LIX1: variants seen among roughly 807,000 people sequenced by gnomAD.
LIX1 encodes the protein protein limb expression 1 homolog.
Under a neutral mutation model 33.4 loss-of-function variants are expected in LIX1, and 24 were observed. The ratio of observed to expected loss-of-function variants is 0.72; its 90% CI spans 0.52 to 1.01. LIX1 has a LOEUF of 1.01. Among genes scored for constraint, LIX1 ranks in the 50% least tolerant of loss-of-function variants. The pLI is 0.00. For missense variants in LIX1, 311 were observed against 339.2 expected (o/e 0.92, Z 0.65); for synonymous variants, 124 against 124.0 (o/e 1.00, Z 0.00).
chr5:97,096,932 G>T, intron 4 of LIX1, 45 bp from the exon 5 acceptor site: 1 of 1,401,012 alleles, frequency 7.1e-7, no homozygotes, highest in Non-Finnish European at 1.0e-6. Context: ...GCAGAAATGT[G>T]CATTGGTGAG....
rs142107983 is a variant in LIX1 at position 97,107,423 on chromosome 5, G to A, written c.324C>T (p.Pro108=). 20 of 1,612,958 alleles carry A rather than the reference G, an allele frequency of 1.2e-5. No homozygotes were observed. The highest frequency in any genetic ancestry group is 4.0e-5 in the African/African-American group (3 of 74,870). The part of the protein sequence containing the change: ...ALINSLFNEL[P]SRRITKEFIM... ...TGAATTCCTTGGTGATCCTGCGAGA[G>A]GGCAGCTCATTGAAGAGGGAGTTGA... Residue 108 remains proline, a synonymous_variant, in exon 3 of 6, where the codon CCC becomes CCT. Coordinates refer to ENST00000274382, the MANE Select transcript of LIX1 (RefSeq NM_153234.5).
At chr5:97,095,363 AC>A in intron 5 of LIX1, among the ~76,000 whole-genome samples, 1 of 152,320 alleles carries the variant, frequency 6.6e-6, no homozygotes, top group Non-Finnish European at 1.5e-5. Flanking sequence ...TGTGAATATG[AC>A]CTCATTTATT....
chr5:97,122,887 A>G (rs189780222), intron 2 of LIX1, among the ~76,000 whole-genome samples: 18 of 152,298 alleles, frequency 1.2e-4, no homozygotes, highest in African/African-American at 4.1e-4. Flanking sequence ...ATCTACTGTA[A>G]TCTAATTTGT....
intron 4 of LIX1, among the ~76,000 whole-genome samples, chr5:97,102,728 A>G (rs979647760): frequency 6.8e-6 from 1 of 147,734 alleles, no homozygotes. Flanking sequence ...GAATTTTAAG[A>G]CTTTTTTTTT....
intron 2 of LIX1, among the ~76,000 whole-genome samples, chr5:97,110,571 A>G (rs1319673506): frequency 1.3e-5 from 2 of 151,992 alleles, no homozygotes; most frequent in Non-Finnish European, 2.9e-5. Flanking sequence ...CAGCCTCCCG[A>G]GTAGCTGGGA....
intron 2 of LIX1, among the ~76,000 whole-genome samples, chr5:97,114,197 C>T (rs1429789084): frequency 6.6e-6 from 1 of 152,066 alleles, no homozygotes; most frequent in Non-Finnish European, 1.5e-5. Flanking sequence ...GAGCAAAAGT[C>T]ATTTAAATTA....
chr5:97,137,220 A>G (rs1184191931), intron 1 of LIX1: 3 of 402,338 alleles, frequency 7.5e-6, no homozygotes, highest in South Asian at 1.9e-5. Flanking sequence ...AACCACCACC[A>G]AAGACCTCTG....
chr5:97,116,561 C>T (rs1047688904), intron 2 of LIX1, among the ~76,000 whole-genome samples: 1 of 152,110 alleles, frequency 6.6e-6, no homozygotes, highest in Non-Finnish European at 1.5e-5. Flanking sequence ...AACCACCTGG[C>T]CTTCTCCTCG....
In LIX1 at chr5:97,092,523, G is replaced by A. The variant is rs1746128054; in HGVS notation, c.*2225C>T. 6.6e-6 allele frequency: 1 copy of A among 152,300 alleles called. No homozygotes were observed. Among genetic ancestry groups the A allele is most frequent in the Non-Finnish European group, 1.5e-5 (1 of 68,024 alleles). 9.4% of individuals were successfully genotyped at this position (152,300 alleles called of 1,614,324 possible). ...ATTTACTATCAAATCAGCATTAAAG[G>A]GACCAGCAAAGATTCTGACTTTTAT... On this transcript the variant is annotated 3_prime_UTR_variant, in exon 6 of 6. Transcript: ENST00000274382.
chr5:97,114,359 AAAAC>A (rs1747571922), intron 2 of LIX1, among the ~76,000 whole-genome samples: 1 of 152,146 alleles, frequency 6.6e-6, no homozygotes, highest in Admixed American at 6.5e-5. Flanking sequence ...CTAAATAAAT[AAAAC>A]AAAAAATAAA....
chr5:97,133,849 T>C (rs903925445), intron 1 of LIX1, among the ~76,000 whole-genome samples: 2 of 152,320 alleles, frequency 1.3e-5, no homozygotes, highest in Middle Eastern at 6.8e-3. Context: ...TTCATAACAG[T>C]GTATTCTTCA....
At chr5:97,137,818 A>G (rs1480285892) in intron 1 of LIX1, among the ~76,000 whole-genome samples, 2 of 152,216 alleles carry the variant, frequency 1.3e-5, no homozygotes, top group African/African-American at 4.8e-5. Flanking sequence ...CAGCCTTTAC[A>G]TCCTACTCCA....
chr5:97,132,342 G>A (rs564588937), intron 1 of LIX1, among the ~76,000 whole-genome samples: 1 of 152,306 alleles, frequency 6.6e-6, no homozygotes, highest in South Asian at 2.1e-4. Context: ...CATGTAAAAT[G>A]TAAAATTTAT....
Position 97,094,655 on chromosome 5 carries a change from A to C in LIX1, c.*93T>G. The C allele has an allele frequency of 2.2e-5, 26 of 1,188,656 alleles. No individual in the cohort carries two copies. Among genetic ancestry groups the C allele is most frequent in the South Asian group, 2.9e-5 (2 of 68,952 alleles). 73.6% of individuals were successfully genotyped at this position (1,188,656 alleles called of 1,614,324 possible). On this transcript the variant is annotated 3_prime_UTR_variant, in exon 6 of 6. Transcript: ENST00000274382. ...GTTAGGAGAGCCTTCAGGTAGTACT[A>C]GAGATGCTGGAGCCTCTGAGGACCT...
intron 3 of LIX1, 63 bp downstream of exon 3, chr5:97,107,296 CA>C (rs1299725188): frequency 1.3e-6 from 2 of 1,498,486 alleles, no homozygotes; most frequent in African/African-American, 2.8e-5. Context: ...TAACATCTCT[CA>C]AGATTCAAAT....
chr5:97,113,093 G>A (rs187299496), intron 2 of LIX1, among the ~76,000 whole-genome samples: 1 of 152,332 alleles, frequency 6.6e-6, no homozygotes, highest in Non-Finnish European at 1.5e-5. Flanking sequence ...AAAAGTCACT[G>A]CCTTGGGGAA....
chr5:97,128,238 C>T (rs1365799682), intron 1 of LIX1, among the ~76,000 whole-genome samples: 1 of 152,198 alleles, frequency 6.6e-6, no homozygotes, highest in Non-Finnish European at 1.5e-5. Context: ...GAAATTACTA[C>T]AAATGTACCA....
chr5:97,098,628 T>C (rs1561487062), intron 4 of LIX1, among the ~76,000 whole-genome samples: 1 of 152,212 alleles, frequency 6.6e-6, no homozygotes, highest in African/African-American at 2.4e-5. Flanking sequence ...TGTGTGCCTA[T>C]AGTTCTAGCA....
chr5:97,118,506 A>AC (rs1425906408), intron 2 of LIX1, among the ~76,000 whole-genome samples: 1 of 152,176 alleles, frequency 6.6e-6, no homozygotes, highest in Non-Finnish European at 1.5e-5. Context: ...ATTGTAAAAA[A>AC]ATGGAAATTA....
Sources: gnomAD v4.1 joint callset for allele counts (sites outside exome capture counted in the v4.1 genomes callset) on GRCh38, gnomAD v4.1.1 for gene constraint, MANE v1.5 for transcripts, NCBI Gene and HGNC (gene_info 2026-07-23, HGNC 2026-07-21) for gene names.